The following EMB variants were observed in gnomAD, a reference collection of about 807,000 sequenced individuals.
The protein encoded by EMB is embigin homolog.
A neutral mutation model predicts 41.4 loss-of-function variants in EMB; 31 were observed. The ratio of observed to expected loss-of-function variants is 0.75; its 90% CI spans 0.56 to 1.01. EMB has a LOEUF of 1.01. EMB is among the 50% of genes least tolerant of loss of function. The pLI is 0.00. For synonymous variants in EMB, 137 were observed against 140.4 expected (o/e 0.98, Z 0.17); for missense variants, 379 against 388.3 (o/e 0.98, Z 0.20).
intron 1 of EMB, among the ~76,000 whole-genome samples, chr5:50,435,590 C>T (rs1212853256): frequency 6.6e-6 from 1 of 152,152 alleles, no homozygotes; most frequent in East Asian, 1.9e-4. Flanking sequence ...TGATGCTGTG[C>T]TCTTCTCACC....
intron 2 of EMB, 143 bp from the exon 3 acceptor site, chr5:50,411,526 T>C (rs1341491179): frequency 8.3e-6 from 5 of 605,182 alleles, no homozygotes; most frequent in South Asian, 6.1e-5. Flanking sequence ...TCTATCAACA[T>C]AGTTGGTTCC....
chr5:50,436,807 T>C (rs1745810858), intron 1 of EMB, among the ~76,000 whole-genome samples: 1 of 151,896 alleles, frequency 6.6e-6, no homozygotes, highest in African/African-American at 2.4e-5. Context: ...ACCAAATAAC[T>C]ATAGGACCTA....
chr5:50,441,489 G>A (rs1579750143), upstream of EMB: 1 of 195,968 alleles, frequency 5.1e-6, no homozygotes, highest in Non-Finnish European at 1.0e-5. Flanking sequence ...GGCAGGTGAT[G>A]TCTAGCCAAT....
intron 2 of EMB, among the ~76,000 whole-genome samples, chr5:50,424,585 A>C (rs1279665943): frequency 6.6e-6 from 1 of 152,186 alleles, no homozygotes; most frequent in East Asian, 1.9e-4. Context: ...AAGATTATTA[A>C]ATCATGTGTA....
intron 1 of EMB, among the ~76,000 whole-genome samples, chr5:50,429,636 C>T (rs371652099): frequency 1.1e-4 from 17 of 152,120 alleles, no homozygotes; most frequent in African/African-American, 2.7e-4. Context: ...TGTATACCTA[C>T]GTAACAAACC....
intron 2 of EMB, among the ~76,000 whole-genome samples, chr5:50,421,979 G>A (rs539356700): frequency 3.1e-4 from 47 of 151,870 alleles, no homozygotes; most frequent in Non-Finnish European, 4.4e-5. Context: ...ACACCAACAT[G>A]GCACATGTAT....
chr5:50,397,925 C>A lies in EMB; in HGVS notation c.*1348G>T, dbSNP rs1745098138. 1 of 152,078 alleles carries A rather than the reference C, an allele frequency of 6.6e-6. No individual in the cohort carries two copies. Among genetic ancestry groups the A allele is most frequent in the Admixed American group, 6.6e-5 (1 of 15,220 alleles). The allele number at this position is 152,078 out of a possible 1,614,324, so 9.4% of individuals were successfully genotyped here. A position where few individuals can be genotyped will look rare whatever the true frequency, so the allele number is the denominator to read the frequency against. On this transcript the variant is annotated 3_prime_UTR_variant, in exon 9 of 9. Transcript: ENST00000303221. ...TATTCATACTAGTAATATTGGTAAA[C>A]ATTAGTGATACAATTTTCACTACCA...
intron 1 of EMB, among the ~76,000 whole-genome samples, chr5:50,435,667 G>C (rs1367218348): frequency 1.3e-5 from 2 of 152,120 alleles, no homozygotes; most frequent in Non-Finnish European, 2.9e-5. Context: ...TGTCTGCCAA[G>C]CTTCTCCACT....
intron 2 of EMB, among the ~76,000 whole-genome samples, chr5:50,424,674 G>A (rs1745581631): frequency 6.6e-6 from 1 of 152,034 alleles, no homozygotes; most frequent in South Asian, 2.1e-4. Context: ...TTTCAAATGG[G>A]GAAAATTTTG....
chr5:50,437,060 T>C (rs926204820), intron 1 of EMB, among the ~76,000 whole-genome samples: 1 of 152,086 alleles, frequency 6.6e-6, no homozygotes, highest in Non-Finnish European at 1.5e-5. Context: ...CGCTTGAGCC[T>C]AGGAGTTCAA....
In EMB at chr5:50,429,129, C is replaced by T. The variant is rs1329035115; in HGVS notation, c.113-902G>A. Among the ~76,000 whole-genome samples, 4 of 152,242 alleles carry T rather than the reference C, an allele frequency of 2.6e-5. No homozygotes were observed. In the South Asian group the frequency reaches 8.3e-4, roughly 32 times the overall value. On this transcript the variant is annotated intron_variant, in intron 1 of 8. Coordinates refer to ENST00000303221, the MANE Select transcript of EMB (RefSeq NM_198449.3). Reference sequence around the variant, plus strand: ...CAGGATGGTCTCAATCTCTTAACCTCGTGATCCGCCCGCCTCGGCCTCCCG... The same window carrying T: ...CAGGATGGTCTCAATCTCTTAACCTTGTGATCCGCCCGCCTCGGCCTCCCG...
intron 1 of EMB, among the ~76,000 whole-genome samples, chr5:50,438,434 A>G (rs1341961188): frequency 6.6e-6 from 1 of 152,262 alleles, no homozygotes; most frequent in African/African-American, 2.4e-5. Context: ...TAGAAGAATT[A>G]GGGATACCCA....
At chr5:50,421,607 G>A (rs1178619290) in intron 2 of EMB, among the ~76,000 whole-genome samples, 2 of 151,980 alleles carry the variant, frequency 1.3e-5, no homozygotes, top group Admixed American at 1.3e-4. Flanking sequence ...TATGTTTATT[G>A]TGGCACTATT....
intron 2 of EMB, among the ~76,000 whole-genome samples, chr5:50,413,647 C>G (rs992575246): frequency 1.3e-5 from 2 of 150,910 alleles, no homozygotes; most frequent in Non-Finnish European, 2.9e-5. Context: ...GTCGTCTCAG[C>G]TCACTGCAAC....
intron 4 of EMB, among the ~76,000 whole-genome samples, chr5:50,406,290 A>T (rs1254083994): frequency 2.0e-5 from 3 of 151,908 alleles, no homozygotes; most frequent in Non-Finnish European, 2.9e-5. Context: ...AGTTGATACT[A>T]ATTTATGAAA....
At chr5:50,441,773 C>T (rs1228955867), upstream of EMB, among the ~76,000 whole-genome samples, 1 of 152,122 alleles carries the variant, frequency 6.6e-6, no homozygotes, top group East Asian at 1.9e-4. Flanking sequence ...TGATTTTCTC[C>T]GGATGAAGGT....
intron 2 of EMB, among the ~76,000 whole-genome samples, chr5:50,420,527 A>C (rs1036130126): frequency 1.3e-5 from 2 of 152,120 alleles, no homozygotes; most frequent in African/African-American, 4.8e-5. Context: ...ACCTTACAAC[A>C]CTGCTAACAA....
chr5:50,428,057 G>C, intron 2 of EMB, 87 bp downstream of exon 2: 1 of 898,908 alleles, frequency 1.1e-6, no homozygotes, highest in South Asian at 1.6e-5. Flanking sequence ...TTACCACTTC[G>C]CAAAGCAAAA....
At chr5:50,440,811 G>GC (rs1745894439) in intron 1 of EMB, among the ~76,000 whole-genome samples, 1 of 152,032 alleles carries the variant, frequency 6.6e-6, no homozygotes, top group Admixed American at 6.5e-5. Context: ...TTCAAGACTC[G>GC]CCCCAAAGAG....
Sources: gnomAD v4.1 joint callset for allele counts (sites outside exome capture counted in the v4.1 genomes callset) on GRCh38, gnomAD v4.1.1 for gene constraint, MANE v1.5 for transcripts, NCBI Gene and HGNC (gene_info 2026-07-23, HGNC 2026-07-21) for gene names.